Variants in EXO1 observed in about 807,000 individuals in gnomAD.
The protein encoded by EXO1 is exonuclease 1.
Under a neutral mutation model 84.5 loss-of-function variants are expected in EXO1, and 69 were observed. The ratio of observed to expected loss-of-function variants is 0.82; its 90% CI spans 0.67 to 1.00. The LOEUF is 1.00. Ranked by LOEUF, EXO1 falls within the 50% of genes least tolerant of loss-of-function variation. EXO1 has a pLI of 0.00. For missense variants in EXO1, 1,045 were observed against 1,000.7 expected, an observed-to-expected ratio of 1.04 and a Z score of -0.60; for synonymous variants, 373 against 366.1, an observed-to-expected ratio of 1.02 and a Z score of -0.21.
chr1:241,889,538 G>T lies in EXO1; in HGVS notation c.2479G>T (p.Ala827Ser), dbSNP rs1362443564. 1 of 1,613,904 alleles carries T rather than the reference G, an allele frequency of 6.2e-7. No individual in the cohort carries two copies. The highest frequency in any genetic ancestry group is 1.7e-5 in the Admixed American group (1 of 60,014). ...VRDNIQLTPE[A>S]EEDIFNKPEC... is the part of the protein sequence containing the mutation. The stretch of plus-strand genomic sequence containing the variant: ...AGATAACATCCAACTAACTCCAGAA[G>T]CGGAAGAGGATATATTTAACAAACC... Residue 827 changes from alanine to serine, a missense_variant, in exon 16 of 16, where the codon GCG becomes TCG. Coordinates refer to ENST00000366548, the MANE Select transcript of EXO1 (RefSeq NM_130398.4).
chr1:241,860,451 A>G, intron 8 of EXO1, 66 bp from the exon 9 acceptor site: 2 of 1,229,830 alleles, frequency 1.6e-6, no homozygotes, highest in Non-Finnish European at 2.4e-6. Flanking sequence ...TAAATCAATC[A>G]GCCTTGAGGA....
intron 12 of EXO1, 107 bp from the exon 13 acceptor site, chr1:241,878,642 A>G (rs1341143410): frequency 4.3e-6 from 3 of 697,618 alleles, no homozygotes; most frequent in Non-Finnish European, 7.2e-6. Flanking sequence ...TATTTATGAG[A>G]CTTTTTTCAA....
At chr1:241,881,819 T>C (rs1662771561) in intron 13 of EXO1, 97 bp from the exon 14 acceptor site, 1 of 654,300 alleles carries the variant, frequency 1.5e-6, no homozygotes, top group African/African-American at 1.8e-5. Flanking sequence ...TCCCATGTTC[T>C]TATTTATCTT....
At chr1:241,857,309 G>T in intron 6 of EXO1, 36 bp from the exon 7 acceptor site, 2 of 1,610,972 alleles carry the variant, frequency 1.2e-6, no homozygotes, top group Non-Finnish European at 1.7e-6. Context: ...CTTTCCAGAT[G>T]CCGTGCTAGA....
intron 7 of EXO1, among the ~76,000 whole-genome samples, chr1:241,858,138 A>G (rs1161103522): frequency 1.3e-5 from 2 of 152,254 alleles, no homozygotes; most frequent in African/African-American, 4.8e-5. Context: ...AATTGCTTCA[A>G]TAATAAGGAA....
At chr1:241,883,336 G>T (rs151038325) in intron 14 of EXO1, among the ~76,000 whole-genome samples, 132 of 152,292 alleles carry the variant, frequency 8.7e-4, no homozygotes, top group Non-Finnish European at 1.7e-3. Context: ...CAGTTCTAGA[G>T]GCTGGGAAGT....
chr1:241,878,630 T>C, intron 12 of EXO1, 119 bp from the exon 13 acceptor site: 1 of 652,664 alleles, frequency 1.5e-6, no homozygotes, highest in Admixed American at 2.9e-5. Flanking sequence ...TATGAAATTA[T>C]ATATTTATGA....
In EXO1 at chr1:241,860,673, G is replaced by A. The variant is rs774812938; in HGVS notation, c.913G>A (p.Val305Ile). The A allele has an allele frequency of 1.9e-6, 3 of 1,613,878 alleles. No homozygotes were observed. In the African/African-American group the frequency reaches 4.0e-5, roughly 22 times the overall value. ...TCCTCTGAACGCCTATGAAGATGATGTTGATCCTGAAACACTAAGCTACGC... is the reference window on the plus strand; with the variant it reads ...TCCTCTGAACGCCTATGAAGATGATATTGATCCTGAAACACTAAGCTACGC... ...LIPLNAYEDD[V>I]DPETLSYAGQ... Residue 305 changes from valine (V) to isoleucine (I), a missense_variant, in exon 9 of 16, where the codon GTT (valine) becomes ATT (isoleucine). Val to Ile is a conservative substitution (Grantham distance 29). Transcript: ENST00000366548.
In EXO1 at chr1:241,857,478, A is replaced by G; in HGVS notation, c.539A>G (p.Lys180Arg). 3 of 1,613,430 alleles carry G rather than the reference A, an allele frequency of 1.9e-6. No individual in the cohort carries two copies. The highest frequency in any genetic ancestry group is 1.7e-4 in the Middle Eastern group (1 of 5,874). The part of the protein sequence containing the change: ...EDSDLLAFGC[K>R]KVILKMDQFG... ...TCGGATCTCCTAGCTTTTGGCTGTA[A>G]AAAGGTACTCACCTCTGACTACTAT... Residue 180 changes from lysine (K) to arginine (R), a missense_variant, in exon 7 of 16, where the codon AAA becomes AGA. Transcript: ENST00000366548.
intron 3 of EXO1, among the ~76,000 whole-genome samples, chr1:241,849,886 T>A (rs1660556772): frequency 6.6e-6 from 1 of 152,236 alleles, no homozygotes; most frequent in Non-Finnish European, 1.5e-5. Flanking sequence ...TCAAGTGGCA[T>A]TAGAGGTAGT....
At chr1:241,881,163 G>A (rs1662726585) in intron 13 of EXO1, among the ~76,000 whole-genome samples, 1 of 152,114 alleles carries the variant, frequency 6.6e-6, no homozygotes, top group Admixed American at 6.5e-5. Context: ...AAGTAGCTGG[G>A]ACAACAGGCA....
chr1:241,880,337 G>C (rs555326251), intron 13 of EXO1, among the ~76,000 whole-genome samples: 4 of 152,172 alleles, frequency 2.6e-5, no homozygotes, highest in African/African-American at 9.7e-5. Context: ...AGGATATTAA[G>C]TCTGCTGAGC....
chr1:241,861,342 C>T, intron 9 of EXO1, 64 bp from the exon 10 acceptor site: 1 of 852,060 alleles, frequency 1.2e-6, no homozygotes, highest in Non-Finnish European at 2.0e-6. Context: ...ATTTTTCCAT[C>T]TTAGTATAAT....
chr1:241,862,824 C>T (rs1370178748), intron 10 of EXO1, among the ~76,000 whole-genome samples: 4 of 152,218 alleles, frequency 2.6e-5, no homozygotes, highest in Non-Finnish European at 5.9e-5. Flanking sequence ...TTAACATTTT[C>T]TTCTTTTCCC....
Position 241,856,271 on chromosome 1 carries a change from T to C in EXO1, c.406-1074T>C, listed in dbSNP as rs543288998. ...TCTTTTTTTCTTTTTTTCTTTTTTTTTTTTTAACTTCCCAAAGCCTGTCTT... is the reference window on the plus strand; with the variant it reads ...TCTTTTTTTCTTTTTTTCTTTTTTTCTTTTTAACTTCCCAAAGCCTGTCTT... On this transcript the variant is annotated intron_variant, in intron 6 of 15. Transcript: ENST00000366548. 4.0e-5 allele frequency among the ~76,000 whole-genome samples: 6 copies of C among 151,622 alleles called. No individual in the cohort carries two copies. In the South Asian group the frequency reaches 1.2e-3, roughly 32 times the overall value.
chr1:241,878,998 TGA>T lies in EXO1; in HGVS notation c.1768_1769del (p.Ser590GlnfsTer20). ...VFTDEESYSF[E>X]SSKFTRTISP... ...TTACAGATGAAGAGTCCTACTCTTTTGAGAGCAGCAAATTTACAAGGACCATT... is the reference window on the plus strand; with the variant it reads ...TTACAGATGAAGAGTCCTACTCTTTTGAGCAGCAAATTTACAAGGACCATT... On this transcript the variant is annotated frameshift_variant, in exon 13 of 16. Coordinates refer to ENST00000366548, the MANE Select transcript of EXO1 (RefSeq NM_130398.4). LOFTEE classifies it high-confidence loss of function. The T allele has an allele frequency of 5.6e-6, 9 of 1,614,142 alleles. No homozygotes were observed. The highest frequency in any genetic ancestry group is 7.6e-6 in the Non-Finnish European group (9 of 1,179,980).
chr1:241,887,862 C>G (rs1429199083), intron 15 of EXO1, among the ~76,000 whole-genome samples: 1 of 152,080 alleles, frequency 6.6e-6, no homozygotes, highest in Non-Finnish European at 1.5e-5. Flanking sequence ...TGGTTTTGAA[C>G]TCCTGACCTC....
At position 241,889,652 on chromosome 1, in the gene EXO1, G is replaced by A. The variant is rs1235776746; in HGVS notation, c.*52G>A. ...TGCAAGAGAATCTGATCAATTTGAA[G>A]TCCCTGTTTGGGAATGAGGCACTTA... On this transcript the variant is annotated 3_prime_UTR_variant, in exon 16 of 16. Transcript: ENST00000366548. 1.3e-6 allele frequency: 2 copies of A among 1,592,746 alleles called. No individual in the cohort carries two copies. Among genetic ancestry groups the A allele is most frequent in the Non-Finnish European group, 1.7e-6 (2 of 1,161,174 alleles).
chr1:241,876,658 G>A (rs1034703819), intron 12 of EXO1, among the ~76,000 whole-genome samples: 4 of 152,090 alleles, frequency 2.6e-5, no homozygotes, highest in African/African-American at 7.2e-5. Context: ...AATTTTACAT[G>A]TTTTTCTATT....
Sources: gnomAD v4.1 joint callset for allele counts (sites outside exome capture counted in the v4.1 genomes callset) on GRCh38, gnomAD v4.1.1 for gene constraint, MANE v1.5 for transcripts, NCBI Gene and HGNC (gene_info 2026-07-23, HGNC 2026-07-21) for gene names.